ZNF773: variants seen among roughly 807,000 people sequenced by gnomAD.
ZNF773 encodes zinc finger protein 773.
Under a neutral mutation model 12.8 loss-of-function variants are expected in ZNF773, and 11 were observed. The observed-to-expected ratio is 0.86, with a 90% CI of 0.54 to 1.42. The LOEUF (loss-of-function observed/expected upper bound fraction) is 1.42, where lower values mean the gene tolerates loss of function less well. Among genes scored for constraint, ZNF773 ranks in the 40% most tolerant of loss-of-function variants. The probability of loss-of-function intolerance (pLI) is 0.00; values close to 1 mark genes in which losing one functional copy is unlikely to be tolerated. For synonymous variants in ZNF773, 175 were observed against 178.4 expected (o/e 0.98, Z 0.15); for missense variants, 518 against 527.2 (o/e 0.98, Z 0.17).
intron 1 of ZNF773, among the ~76,000 whole-genome samples, chr19:57,502,938 G>A (rs144692215): frequency 1.2e-4 from 19 of 152,136 alleles, no homozygotes; most frequent in African/African-American, 4.1e-4. Flanking sequence ...TGATCCGCCC[G>A]CTTTGGCCTC....
intron 1 of ZNF773, among the ~76,000 whole-genome samples, chr19:57,501,305 A>G (rs2089668055): frequency 6.9e-6 from 1 of 145,774 alleles, no homozygotes; most frequent in Non-Finnish European, 1.5e-5. Context: ...TTTGAGACAG[A>G]ATTCTGCTCT....
At position 57,499,955 on chromosome 19, in the gene ZNF773, G is replaced by A. The variant is rs1166979391; in HGVS notation, c.-126G>A. On this transcript the variant is annotated 5_prime_UTR_variant, in exon 1 of 4. Coordinates refer to ENST00000282292, the MANE Select transcript of ZNF773 (RefSeq NM_198542.3). ...AGCTGGTTGTTCGCTGCGGCGACCA[G>A]CTCCGGAAAGCGCGGTGGGGACGCG... The A allele has an allele frequency of 3.0e-6, 4 of 1,312,272 alleles. No individual in the cohort carries two copies. In the African/African-American group the frequency reaches 6.0e-5, roughly 20 times the overall value. 81.3% of individuals were successfully genotyped at this position (1,312,272 alleles called of 1,614,324 possible). A position where few individuals can be genotyped will look rare whatever the true frequency, so the allele number is the denominator to read the frequency against.
chr19:57,508,284 T>C (rs1287951667), downstream of ZNF773: 9 of 1,212,608 alleles, frequency 7.4e-6, no homozygotes, highest in South Asian at 3.6e-5. Flanking sequence ...CCTGAGAAAA[T>C]AGCCCTCTGT....
In ZNF773 at chr19:57,499,942, G is replaced by T. The variant is rs2089648050; in HGVS notation, c.-139G>T. On this transcript the variant is annotated 5_prime_UTR_variant, in exon 1 of 4. Transcript: ENST00000282292. The stretch of plus-strand genomic sequence containing the variant: ...TCAGCTTGCCGGAAGCTGGTTGTTC[G>T]CTGCGGCGACCAGCTCCGGAAAGCG... 9 of 1,192,248 alleles carry T rather than the reference G, an allele frequency of 7.5e-6. No individual in the cohort carries two copies. Among genetic ancestry groups the T allele is most frequent in the African/African-American group, 1.6e-5 (1 of 63,912 alleles). 73.9% of individuals were successfully genotyped at this position (1,192,248 alleles called of 1,614,324 possible). A position where few individuals can be genotyped will look rare whatever the true frequency, so the allele number is the denominator to read the frequency against.
intron 1 of ZNF773, among the ~76,000 whole-genome samples, chr19:57,500,531 G>A (rs1400324417): frequency 6.6e-6 from 1 of 151,790 alleles, no homozygotes; most frequent in Non-Finnish European, 1.5e-5. Flanking sequence ...CTGTGAGTAG[G>A]TAAATTCAGT....
At chr19:57,506,282 T>C (rs1299478693) in intron 3 of ZNF773, 76 bp from the exon 4 acceptor site, 12 of 1,533,772 alleles carry the variant, frequency 7.8e-6, no homozygotes, top group Non-Finnish European at 1.0e-5. Flanking sequence ...TTACCAGGTG[T>C]GTCAGACACG....
At chr19:57,511,919 T>A (rs1205089522), downstream of ZNF773, among the ~76,000 whole-genome samples, 1 of 152,132 alleles carries the variant, frequency 6.6e-6, no homozygotes, top group Admixed American at 6.5e-5. Context: ...AAAGTTGACA[T>A]ACAGTATGAT....
chr19:57,510,028 A>T (rs900976842), downstream of ZNF773, among the ~76,000 whole-genome samples: 9 of 152,334 alleles, frequency 5.9e-5, no homozygotes, highest in South Asian at 8.3e-4. Flanking sequence ...ACAGAGCCTT[A>T]ACAAAATTTT....
intron 1 of ZNF773, among the ~76,000 whole-genome samples, chr19:57,502,605 T>C (rs1404328716): frequency 6.6e-6 from 1 of 152,212 alleles, no homozygotes; most frequent in Non-Finnish European, 1.5e-5. Flanking sequence ...GCAAAGAGGC[T>C]ACTACAGTAG....
At chr19:57,515,841 C>T (rs1489127192), downstream of ZNF773, 3 of 152,160 alleles carry the variant, frequency 2.0e-5, no homozygotes, top group African/African-American at 4.8e-5. Context: ...GACCAGCTAC[C>T]ACCTCAAACA....
At chr19:57,503,657 CTT>C (rs150122476) in intron 1 of ZNF773, among the ~76,000 whole-genome samples, 208 of 132,240 alleles carry the variant, frequency 1.6e-3, no homozygotes, top group African/African-American at 3.8e-3. Flanking sequence ...GAGACGTGGG[CTT>C]TTTTTTTTTT....
intron 1 of ZNF773, among the ~76,000 whole-genome samples, chr19:57,503,570 C>A (rs2089692909): frequency 1.3e-5 from 2 of 152,046 alleles, no homozygotes; most frequent in Admixed American, 6.5e-5. Context: ...TTACCTGGAC[C>A]TGGGGAGTTT....
downstream of ZNF773, chr19:57,515,813 C>CA: frequency 6.6e-6 from 1 of 152,182 alleles, no homozygotes. Context: ...GTTGAAAAAA[C>CA]AAAAATGGGG....
rs767527062 is a variant in ZNF773 at position 57,506,973 on chromosome 19, A to G, written c.878A>G (p.His293Arg). ...AFRHNSTLVQ[H>R]HRIHTGVRPY... Reference sequence around the variant, plus strand: ...AGGCATAATTCCACACTTGTTCAGCATCACAGAATCCACACTGGAGTAAGG... The same window carrying G: ...AGGCATAATTCCACACTTGTTCAGCGTCACAGAATCCACACTGGAGTAAGG... Residue 293 changes from histidine (H) to arginine (R), a missense_variant, in exon 4 of 4, where the codon CAT (histidine) becomes CGT (arginine). Physicochemically the swap from His to Arg is conservative, Grantham distance 29. Coordinates refer to ENST00000282292, the MANE Select transcript of ZNF773 (RefSeq NM_198542.3). The G allele has an allele frequency of 2.2e-5, 35 of 1,614,236 alleles. No homozygotes were observed. The South Asian group carries it at 3.7e-4, about 17-fold the overall frequency.
intron 3 of ZNF773, 69 bp downstream of exon 3, chr19:57,505,469 C>T (rs936745045): frequency 7.8e-6 from 12 of 1,531,352 alleles, no homozygotes; most frequent in South Asian, 4.5e-5. Context: ...AGGAGTCTTT[C>T]CAGTGGGCCC....
At chr19:57,511,738 T>C (rs11881610), downstream of ZNF773, among the ~76,000 whole-genome samples, 857 of 94,850 alleles carry the variant, frequency 9.0e-3, 3 homozygotes, top group Middle Eastern at 0.018. Flanking sequence ...CACACACACA[T>C]ACACACATAC....
downstream of ZNF773, among the ~76,000 whole-genome samples, chr19:57,511,059 T>TA (rs761932978): frequency 6.7e-6 from 1 of 148,630 alleles, no homozygotes; most frequent in South Asian, 2.1e-4. Context: ...TTATTTATTT[T>TA]TTTTTTTTTT....
At position 57,507,499 on chromosome 19, in the gene ZNF773, G is replaced by C; in HGVS notation, c.*75G>C. The C allele has an allele frequency of 6.6e-7, 1 of 1,509,528 alleles. No homozygotes were observed. The allele number at this position is 1,509,528 out of a possible 1,614,324, so 93.5% of individuals were successfully genotyped here. A position where few individuals can be genotyped will look rare whatever the true frequency, so the allele number is the denominator to read the frequency against. On this transcript the variant is annotated 3_prime_UTR_variant, in exon 4 of 4. Transcript: ENST00000282292. The stretch of plus-strand genomic sequence containing the variant: ...GTTCACAGTGTAAAAAAGTCTTGAA[G>C]GTTACTAATGGAAATCCATTAGCTA...
Position 57,499,979 on chromosome 19 carries a change from C to T in ZNF773, c.-102C>T, listed in dbSNP as rs2089649049. 2.8e-6 allele frequency: 4 copies of T among 1,435,092 alleles called. No homozygotes were observed. The highest frequency in any genetic ancestry group is 2.8e-6 in the Non-Finnish European group (3 of 1,071,646). 88.9% of individuals were successfully genotyped at this position (1,435,092 alleles called of 1,614,324 possible). On this transcript the variant is annotated 5_prime_UTR_variant, in exon 1 of 4. Coordinates refer to ENST00000282292, the MANE Select transcript of ZNF773 (RefSeq NM_198542.3). ...AGCTCCGGAAAGCGCGGTGGGGACG[C>T]GCTGTGTTCTCGCAGCTCAGAGGCG... is the stretch of plus-strand genomic sequence containing the variant.
Sources: gnomAD v4.1 joint callset for allele counts (sites outside exome capture counted in the v4.1 genomes callset) on GRCh38, gnomAD v4.1.1 for gene constraint, MANE v1.5 for transcripts, NCBI Gene and HGNC (gene_info 2026-07-23, HGNC 2026-07-21) for gene names.